Variants in MVB12B observed in about 807,000 individuals in gnomAD.
MVB12B encodes ESCRT-I complex subunit MVB12B.
MVB12B carries 16 observed loss-of-function variants against 41.6 expected under a neutral mutation model. The observed-to-expected ratio is 0.38, with a 90% CI of 0.26 to 0.58. MVB12B has a LOEUF of 0.58. MVB12B is among the 20% of genes least tolerant of loss of function. MVB12B has a pLI of 0.62. For synonymous variants in MVB12B, 133 were observed against 139.7 expected (o/e 0.95, Z 0.34); for missense variants, 274 against 380.2 (o/e 0.72, Z 2.32).
chr9:126,328,006 G>C (rs1313188127), intron 1 of MVB12B, among the ~76,000 whole-genome samples: 1 of 152,090 alleles, frequency 6.6e-6, no homozygotes, highest in South Asian at 2.1e-4. Flanking sequence ...TACATTTCTC[G>C]ACAGCTGGCT....
At chr9:126,485,924 C>T (rs1003008412) in intron 9 of MVB12B, among the ~76,000 whole-genome samples, 7 of 152,022 alleles carry the variant, frequency 4.6e-5, no homozygotes, top group African/African-American at 9.7e-5. Flanking sequence ...AGCTCTCCTC[C>T]GAGAGGAACA....
Position 126,440,151 on chromosome 9 carries a change from T to C in MVB12B, c.757+18203T>C, listed in dbSNP as rs76655358. On this transcript the variant is annotated intron_variant, in intron 7 of 9. Transcript: ENST00000361171. The stretch of plus-strand genomic sequence containing the variant: ...GGGTCAGCGCGAGCCCCTTGCTGTA[T>C]GGAGCCTTGTTTCAGAAAGGGGCCT... Among the ~76,000 whole-genome samples the C allele has an allele frequency of 7.0e-3, 1,064 of 152,320 alleles. 17 individuals carry two copies. Among genetic ancestry groups the C allele is most frequent in the African/African-American group, 0.024 (1,018 of 41,572 alleles).
At chr9:126,443,410 G>A (rs534535444) in intron 7 of MVB12B, among the ~76,000 whole-genome samples, 21 of 152,208 alleles carry the variant, frequency 1.4e-4, no homozygotes, top group African/African-American at 2.9e-4. Context: ...TGACCCACCC[G>A]TCATTTCCGG....
chr9:126,334,467 G>T (rs1324296689), intron 1 of MVB12B, among the ~76,000 whole-genome samples: 1 of 152,264 alleles, frequency 6.6e-6, no homozygotes, highest in African/African-American at 2.4e-5. Flanking sequence ...GAAGACAGGT[G>T]TTCTGATGAT....
chr9:126,489,360 G>T (rs767100250), intron 9 of MVB12B, among the ~76,000 whole-genome samples: 1 of 152,184 alleles, frequency 6.6e-6, no homozygotes, highest in Non-Finnish European at 1.5e-5. Flanking sequence ...CACACAGCGC[G>T]GCAGTCAGGG....
At chr9:126,472,088 G>T (rs1833325341) in intron 7 of MVB12B, among the ~76,000 whole-genome samples, 1 of 151,936 alleles carries the variant, frequency 6.6e-6, no homozygotes, top group Non-Finnish European at 1.5e-5. Flanking sequence ...GCTGTGTATT[G>T]AGACGTTGGG....
intron 9 of MVB12B, among the ~76,000 whole-genome samples, chr9:126,498,024 C>T (rs1026804579): frequency 1.3e-5 from 2 of 152,204 alleles, no homozygotes; most frequent in East Asian, 1.9e-4. Context: ...AGGCCTCTCC[C>T]GGGACTGCAG....
intron 7 of MVB12B, among the ~76,000 whole-genome samples, chr9:126,476,413 G>T (rs899382379): frequency 6.6e-6 from 1 of 152,222 alleles, no homozygotes; most frequent in Non-Finnish European, 1.5e-5. Flanking sequence ...GCCTCTGAGG[G>T]ACTTCAGGGC....
intron 2 of MVB12B, among the ~76,000 whole-genome samples, chr9:126,360,604 G>A (rs990326060): frequency 6.6e-6 from 1 of 152,140 alleles, no homozygotes; most frequent in African/African-American, 2.4e-5. Flanking sequence ...TTGGTTGATA[G>A]TATTGTTCAA....
intron 7 of MVB12B, among the ~76,000 whole-genome samples, chr9:126,458,601 G>T (rs974737959): frequency 1.3e-5 from 2 of 152,170 alleles, no homozygotes; most frequent in African/African-American, 2.4e-5. Flanking sequence ...TGCGTTTCAT[G>T]GTGGTTCCCC....
rs553345313 is a variant in MVB12B at position 126,476,435 on chromosome 9, T to G, written c.758-4934T>G. Among the ~76,000 whole-genome samples the G allele has an allele frequency of 2.9e-4, 44 of 152,166 alleles. No individual in the cohort carries two copies. The South Asian group carries it at 8.3e-3, about 29-fold the overall frequency. On this transcript the variant is annotated intron_variant, in intron 7 of 9. Coordinates refer to ENST00000361171, the MANE Select transcript of MVB12B (RefSeq NM_033446.3). ...AGGGACTTCAGGGCCCACTGGGAGGTGGGGTGAGCACCCTGCCCGCTCCCT... is the reference window on the plus strand; with the variant it reads ...AGGGACTTCAGGGCCCACTGGGAGGGGGGGTGAGCACCCTGCCCGCTCCCT...
intron 7 of MVB12B, among the ~76,000 whole-genome samples, chr9:126,477,785 T>C (rs1833449239): frequency 6.6e-6 from 1 of 152,202 alleles, no homozygotes. Flanking sequence ...ACAAGTTACT[T>C]TTTTATCCTT....
At chr9:126,336,563 G>A (rs532568183) in intron 1 of MVB12B, among the ~76,000 whole-genome samples, 245 of 152,336 alleles carry the variant, frequency 1.6e-3, no homozygotes, top group Non-Finnish European at 2.9e-3. Context: ...CTCCCCAAGC[G>A]CTATCTGCAG....
In MVB12B at chr9:126,506,763, T is replaced by G. The variant is rs1422370129; in HGVS notation, c.*3500T>G. On this transcript the variant is annotated 3_prime_UTR_variant, in exon 10 of 10. Transcript: ENST00000361171. ...CGCTCACCCCTGAGCCCACAGCCCC[T>G]GCTTGGGCTGCCTGGCACCCTCAGG... 6.6e-6 allele frequency: 1 copy of G among 152,204 alleles called. No individual in the cohort carries two copies. The highest frequency in any genetic ancestry group is 1.5e-5 in the Non-Finnish European group (1 of 68,040). 9.4% of individuals were successfully genotyped at this position (152,204 alleles called of 1,614,324 possible).
intron 9 of MVB12B, among the ~76,000 whole-genome samples, chr9:126,500,392 A>T (rs73670227): frequency 0.3 from 42,750 of 143,312 alleles, 7,732 homozygotes; most frequent in African/African-American, 0.54. Flanking sequence ...CCCCTCCCCC[A>T]ACCAGTCCTT....
intron 7 of MVB12B, 144 bp from the exon 8 acceptor site, chr9:126,481,225 T>C (rs1432389510): frequency 2.7e-6 from 2 of 737,290 alleles, no homozygotes; most frequent in Admixed American, 2.2e-5. Flanking sequence ...TCCTCTTTCA[T>C]AGCTCCAGCA....
At chr9:126,332,060 G>A (rs1283220723) in intron 1 of MVB12B, among the ~76,000 whole-genome samples, 1 of 152,152 alleles carries the variant, frequency 6.6e-6, no homozygotes, top group Non-Finnish European at 1.5e-5. Flanking sequence ...TTATAAGCTT[G>A]TTTCAGAGCC....
intron 2 of MVB12B, among the ~76,000 whole-genome samples, chr9:126,354,747 T>C (rs1829836679): frequency 1.3e-5 from 2 of 152,192 alleles, no homozygotes; most frequent in South Asian, 2.1e-4. Context: ...AACATAGTAA[T>C]GTTAACATTT....
chr9:126,343,642 A>C (rs528233782), intron 2 of MVB12B, among the ~76,000 whole-genome samples: 2 of 152,226 alleles, frequency 1.3e-5, no homozygotes, highest in Non-Finnish European at 2.9e-5. Context: ...ATGGCCAAGC[A>C]TGGTGGCTCA....
Sources: allele counts gnomAD v4.1 joint callset (sites outside exome capture counted in the v4.1 genomes callset), GRCh38; gene constraint gnomAD v4.1.1; transcripts MANE v1.5; gene names NCBI Gene and HGNC (gene_info 2026-07-23, HGNC 2026-07-21).